The following VPS13B variants were observed in gnomAD, a reference collection of about 807,000 sequenced individuals.
The protein encoded by VPS13B is vacuolar protein sorting 13 homolog B.
In VPS13B, 285 loss-of-function variants were observed where a neutral mutation model predicts 426.4. That is an observed-to-expected ratio of 0.67 (90% CI 0.61 to 0.74). The LOEUF (loss-of-function observed/expected upper bound fraction) is 0.74. Among genes scored for constraint, VPS13B ranks in the 30% least tolerant of loss-of-function variants. The pLI is 0.00. For synonymous variants in VPS13B, 1,676 were observed against 1,676.4 expected (o/e 1.00, Z 0.01); for missense variants, 4,537 against 4,782.6 (o/e 0.95, Z 1.51).
At chr8:99,057,019 T>A (rs547840754) in intron 3 of VPS13B, among the ~76,000 whole-genome samples, 3 of 152,270 alleles carry the variant, frequency 2.0e-5, no homozygotes, top group Admixed American at 6.5e-5. Flanking sequence ...TTATTTTGAT[T>A]GTTCATTGTT....
At chr8:99,437,613 G>C (rs184543659) in intron 22 of VPS13B, among the ~76,000 whole-genome samples, 2 of 152,242 alleles carry the variant, frequency 1.3e-5, no homozygotes, top group East Asian at 3.9e-4. Flanking sequence ...ACCTAGTCTG[G>C]AGGCCGAAGC....
Position 99,549,604 on chromosome 8 carries a change from C to T in VPS13B, c.4746-6846C>T, listed in dbSNP as rs142340576. ...CAGAATTTATGCAACCTATTTGGCA[C>T]GGGATAAAATGCCAGTTTGCAAGGC... On this transcript the variant is annotated intron_variant, in intron 30 of 61. Transcript: ENST00000357162. Among the ~76,000 whole-genome samples, 38 of 152,202 alleles carry T rather than the reference C, an allele frequency of 2.5e-4. 1 individual carries two copies. The highest frequency in any genetic ancestry group is 1.4e-3 in the East Asian group (7 of 5,170).
At position 99,720,508 on chromosome 8, in the gene VPS13B, C is replaced by A; in HGVS notation, c.6821C>A (p.Ser2274Ter). The A allele has an allele frequency of 6.2e-7, 1 of 1,613,980 alleles. No individual in the cohort carries two copies. Among genetic ancestry groups the A allele is most frequent in the South Asian group, 1.1e-5 (1 of 91,064 alleles). ...KNQTFKSEQS[S>*]DDLRTGLFQY... ...CAGACATTTAAAAGTGAACAAAGTT[C>A]AGATGACCTACGGACAGGTCTATTT... Residue 2274 changes from serine (S) to a stop codon, truncating the protein, a stop_gained, in exon 38 of 62, where the codon TCA (serine) becomes TAA (stop). Transcript: ENST00000357162. LOFTEE classifies it high-confidence loss of function.
intron 19 of VPS13B, chr8:99,346,126 T>C (rs928652896): frequency 5.3e-5 from 8 of 152,344 alleles, no homozygotes; most frequent in African/African-American, 1.9e-4. Flanking sequence ...CAGGGTCTTG[T>C]AGAAGTTCGT....
intron 19 of VPS13B, among the ~76,000 whole-genome samples, chr8:99,333,890 TATCGGTAGTTTATTGTTTTGA>T (rs1202823908): frequency 6.6e-6 from 1 of 152,046 alleles, no homozygotes; most frequent in African/African-American, 2.4e-5. Context: ...GTCTTGTGTA[TATCGGTAGTTTATTGTTTTGA>T]ATTGCTAAAT....
chr8:99,332,295 T>C (rs902154236), intron 19 of VPS13B, among the ~76,000 whole-genome samples: 2 of 151,634 alleles, frequency 1.3e-5, no homozygotes, highest in African/African-American at 4.8e-5. Flanking sequence ...CCTGAGATAA[T>C]TGGATTAAAT....
intron 19 of VPS13B, among the ~76,000 whole-genome samples, chr8:99,378,727 G>C (rs1038515064): frequency 2.0e-5 from 3 of 152,126 alleles, no homozygotes; most frequent in African/African-American, 4.8e-5. Context: ...AATACCTTCA[G>C]TGCTTGAGGA....
At chr8:99,754,002 T>A (rs376031391) in intron 39 of VPS13B, among the ~76,000 whole-genome samples, 2 of 151,916 alleles carry the variant, frequency 1.3e-5, no homozygotes, top group East Asian at 3.9e-4. Context: ...TTCCCAAGAG[T>A]AGATCACATT....
At chr8:99,216,766 A>T (rs1815414159) in intron 17 of VPS13B, among the ~76,000 whole-genome samples, 1 of 152,106 alleles carries the variant, frequency 6.6e-6, no homozygotes, top group Non-Finnish European at 1.5e-5. Flanking sequence ...TCTTAATTTC[A>T]TTACATTTTA....
intron 23 of VPS13B, among the ~76,000 whole-genome samples, chr8:99,444,785 T>A (rs2133445482): frequency 6.6e-6 from 1 of 152,272 alleles, no homozygotes; most frequent in Admixed American, 6.5e-5. Context: ...TCCTCCCACC[T>A]CCTGAGTAGC....
intron 29 of VPS13B, among the ~76,000 whole-genome samples, chr8:99,516,142 AT>A (rs1822056616): frequency 6.6e-6 from 1 of 152,156 alleles, no homozygotes; most frequent in African/African-American, 2.4e-5. Context: ...TTATGTTAGT[AT>A]TTTTTATACT....
chr8:99,189,178 T>A (rs1005891061), intron 16 of VPS13B, among the ~76,000 whole-genome samples: 1 of 152,120 alleles, frequency 6.6e-6, no homozygotes, highest in Non-Finnish European at 1.5e-5. Context: ...CTCGATCTCC[T>A]GACCTCGTGA....
intron 34 of VPS13B, among the ~76,000 whole-genome samples, chr8:99,648,614 A>G (rs1057494867): frequency 2.0e-5 from 3 of 152,174 alleles, no homozygotes; most frequent in Non-Finnish European, 4.4e-5. Context: ...GTAATATTTC[A>G]TCACTTAAAG....
At chr8:99,329,566 A>G (rs1810449473) in intron 19 of VPS13B, among the ~76,000 whole-genome samples, 1 of 152,060 alleles carries the variant, frequency 6.6e-6, no homozygotes, top group African/African-American at 2.4e-5. Context: ...TCCAGATTAT[A>G]AATAAAATTG....
chr8:99,349,063 G>T (rs970065348), intron 19 of VPS13B, among the ~76,000 whole-genome samples: 6 of 151,650 alleles, frequency 4.0e-5, no homozygotes, highest in Non-Finnish European at 7.4e-5. Context: ...GCCGGGCGCG[G>T]TGGCTCACGC....
intron 24 of VPS13B, among the ~76,000 whole-genome samples, chr8:99,479,291 G>C (rs912260344): frequency 2.0e-5 from 3 of 152,052 alleles, no homozygotes; most frequent in Admixed American, 2.0e-4. Flanking sequence ...AACAGCTATA[G>C]ATTAAATGAA....
intron 32 of VPS13B, among the ~76,000 whole-genome samples, 189 bp from the exon 33 acceptor site, chr8:99,577,301 A>G (rs986034452): frequency 6.6e-6 from 1 of 152,140 alleles, no homozygotes; most frequent in African/African-American, 2.4e-5. Context: ...AGGCCCTCAT[A>G]AATATGAAAT....
In VPS13B at chr8:99,871,657, C is replaced by T; in HGVS notation, c.11705C>T (p.Thr3902Ile). The T allele has an allele frequency of 1.2e-6, 2 of 1,614,030 alleles. No individual in the cohort carries two copies. The highest frequency in any genetic ancestry group is 1.7e-6 in the Non-Finnish European group (2 of 1,179,992). ...GACAGCAAGCAGAACAACTTACTCA[C>T]AGTGCAGCTCAAGCAGCCAAGAGTG... ...AQDSKQNNLL[T>I]VQLKQPRVAC... Residue 3902 changes from threonine (T) to isoleucine (I), a missense_variant, in exon 61 of 62, where the codon ACA becomes ATA. Thr to Ile is a moderately conservative substitution (Grantham distance 89, BLOSUM62 -1). Around this residue, in one of 2 missense-constraint regions of VPS13B, gnomAD observed 4,311 missense variants for 4,474.3 expected, o/e 0.96. Coordinates refer to ENST00000357162, the MANE Select transcript of VPS13B (RefSeq NM_152564.5).
intron 23 of VPS13B, among the ~76,000 whole-genome samples, chr8:99,443,874 G>A (rs1022770352): frequency 6.6e-6 from 1 of 152,112 alleles, no homozygotes; most frequent in African/African-American, 2.4e-5. Flanking sequence ...CTATGTTTGA[G>A]CTTCTCAGGA....
Sources: allele counts gnomAD v4.1 joint callset (sites outside exome capture counted in the v4.1 genomes callset), GRCh38; gene constraint gnomAD v4.1.1; regional missense constraint gnomAD v4.1.1; transcripts MANE v1.5; gene names NCBI Gene and HGNC (gene_info 2026-07-23, HGNC 2026-07-21).